MARCHF1: variants seen among roughly 807,000 people sequenced by gnomAD.
The protein encoded by MARCHF1 is E3 ubiquitin-protein ligase MARCHF1.
A neutral mutation model predicts 54.2 loss-of-function variants in MARCHF1; 40 were observed. The observed-to-expected ratio is 0.74, with a 90% CI of 0.57 to 0.96. The LOEUF is 0.96. MARCHF1 is among the 40% of genes least tolerant of loss of function. MARCHF1 has a pLI of 0.00. For missense variants in MARCHF1, 586 were observed against 656.5 expected (o/e 0.89, Z 1.17); for synonymous variants, 236 against 236.3 (o/e 1.00, Z 0.01).
intron 1 of MARCHF1, among the ~76,000 whole-genome samples, chr4:164,358,470 G>A (rs546069248): frequency 1.8e-4 from 27 of 152,220 alleles, no homozygotes; most frequent in Middle Eastern, 3.4e-3. Context: ...AAACAGAATT[G>A]CAAGAATTTC....
chr4:164,225,893 G>C (rs1013942816), intron 1 of MARCHF1, among the ~76,000 whole-genome samples: 2 of 151,830 alleles, frequency 1.3e-5, no homozygotes, highest in Non-Finnish European at 2.9e-5. Context: ...CACAACTATT[G>C]TTTTCTATTT....
intron 2 of MARCHF1, among the ~76,000 whole-genome samples, chr4:164,108,134 G>C (rs760063931): frequency 6.6e-6 from 1 of 151,980 alleles, no homozygotes; most frequent in Non-Finnish European, 1.5e-5. Context: ...TCTGAACAAA[G>C]TATAGGCTGC....
chr4:163,695,823 C>T (rs896547071), intron 5 of MARCHF1, among the ~76,000 whole-genome samples: 14 of 151,880 alleles, frequency 9.2e-5, no homozygotes, highest in Admixed American at 2.6e-4. Context: ...GATCCTTTAC[C>T]CTAGAAGAAA....
intron 1 of MARCHF1, among the ~76,000 whole-genome samples, chr4:164,256,432 T>TAAA (rs11345775): frequency 2.5e-4 from 30 of 121,856 alleles, no homozygotes; most frequent in African/African-American, 9.4e-4. Context: ...ACAAGAAGCT[T>TAAA]AAAAAAAAAA....
intron 4 of MARCHF1, among the ~76,000 whole-genome samples, chr4:163,816,688 G>C (rs1032658000): frequency 3.9e-5 from 6 of 152,062 alleles, no homozygotes; most frequent in Non-Finnish European, 4.4e-5. Flanking sequence ...CTTACAGAGG[G>C]GGGCACTGAA....
rs868256611 is a variant in MARCHF1, at chr4:164,138,361, T to C, written c.-322-26699A>G. On this transcript the variant is annotated intron_variant, in intron 1 of 9. Coordinates refer to ENST00000514618, the MANE Select transcript of MARCHF1 (RefSeq NM_001394959.1). ...ATACATACCACAAAACTAAATCTTATAGGGGAGATAAAGGATTTCAAGAGT... is the reference window on the plus strand; with the variant it reads ...ATACATACCACAAAACTAAATCTTACAGGGGAGATAAAGGATTTCAAGAGT... Among the ~76,000 whole-genome samples the C allele has an allele frequency of 2.6e-4, 39 of 151,910 alleles. 1 individual carries two copies. The highest frequency in any genetic ancestry group is 8.2e-4 in the African/African-American group (34 of 41,328).
intron 2 of MARCHF1, among the ~76,000 whole-genome samples, chr4:164,070,532 C>A (rs929186835): frequency 6.6e-6 from 1 of 152,048 alleles, no homozygotes; most frequent in Non-Finnish European, 1.5e-5. Flanking sequence ...TTCTGATTTG[C>A]CTGGGATGGT....
chr4:164,296,993 T>C (rs2111383068), intron 1 of MARCHF1, among the ~76,000 whole-genome samples: 1 of 152,316 alleles, frequency 6.6e-6, no homozygotes, highest in South Asian at 2.1e-4. Context: ...TTGCTCTGTG[T>C]GACAATGGTC....
intron 2 of MARCHF1, among the ~76,000 whole-genome samples, chr4:164,108,867 T>G (rs1011072998): frequency 1.3e-5 from 2 of 152,066 alleles, no homozygotes; most frequent in Non-Finnish European, 2.9e-5. Flanking sequence ...AGAATGGCAA[T>G]AGTGGGCAGC....
chr4:163,797,093 A>G (rs959261537), intron 4 of MARCHF1, among the ~76,000 whole-genome samples: 1 of 152,006 alleles, frequency 6.6e-6, no homozygotes. Flanking sequence ...GTAAATTTCC[A>G]ATCTTTTTTT....
intron 7 of MARCHF1, among the ~76,000 whole-genome samples, chr4:163,588,799 T>C (rs1740490555): frequency 1.3e-5 from 2 of 152,162 alleles, no homozygotes; most frequent in Non-Finnish European, 2.9e-5. Context: ...TACTATCTGG[T>C]AAATGATTCA....
intron 1 of MARCHF1, among the ~76,000 whole-genome samples, chr4:164,322,099 G>A (rs1271796465): frequency 2.6e-5 from 4 of 152,066 alleles, no homozygotes; most frequent in Non-Finnish European, 5.9e-5. Flanking sequence ...TTGTAGGGGT[G>A]AGGAGAAACA....
intron 4 of MARCHF1, among the ~76,000 whole-genome samples, chr4:163,714,290 T>TAAA (rs558682152): frequency 6.6e-6 from 1 of 152,242 alleles, no homozygotes; most frequent in African/African-American, 2.4e-5. Flanking sequence ...CAATGTAAGT[T>TAAA]AAAACACTGT....
At chr4:164,175,577 T>C (rs185254874) in intron 1 of MARCHF1, among the ~76,000 whole-genome samples, 270 of 152,314 alleles carry the variant, frequency 1.8e-3, no homozygotes, top group Non-Finnish European at 2.8e-3. Flanking sequence ...GTAGATGTGA[T>C]TGACATTTAA....
intron 1 of MARCHF1, among the ~76,000 whole-genome samples, chr4:164,237,690 T>C (rs1732603791): frequency 6.6e-6 from 1 of 152,188 alleles, no homozygotes; most frequent in African/African-American, 2.4e-5. Context: ...AAAGTGCTTC[T>C]TTCTGCACTT....
chr4:164,309,469 T>C (rs527950618), intron 1 of MARCHF1, among the ~76,000 whole-genome samples: 3 of 152,276 alleles, frequency 2.0e-5, no homozygotes, highest in African/African-American at 7.2e-5. Flanking sequence ...TGCTCATCTC[T>C]AGATCTAGTA....
intron 1 of MARCHF1, among the ~76,000 whole-genome samples, chr4:164,282,344 C>A (rs752403887): frequency 6.6e-6 from 1 of 150,900 alleles, no homozygotes; most frequent in Non-Finnish European, 1.5e-5. Flanking sequence ...AAACTTTCAA[C>A]TTTATCAACC....
At chr4:163,684,931 T>C (rs908926192) in intron 5 of MARCHF1, among the ~76,000 whole-genome samples, 2 of 152,264 alleles carry the variant, frequency 1.3e-5, no homozygotes, top group African/African-American at 4.8e-5. Context: ...TGTATCTTGT[T>C]TCCACGATGC....
chr4:163,851,965 A>T (rs1232542599), intron 4 of MARCHF1, among the ~76,000 whole-genome samples: 2 of 152,204 alleles, frequency 1.3e-5, no homozygotes, highest in African/African-American at 2.4e-5. Flanking sequence ...CTTATTTTAT[A>T]TGTTAAGAAA....
Sources: allele counts gnomAD v4.1 joint callset (sites outside exome capture counted in the v4.1 genomes callset), GRCh38; gene constraint gnomAD v4.1.1; transcripts MANE v1.5; gene names NCBI Gene and HGNC (gene_info 2026-07-23, HGNC 2026-07-21).